The following CACNA2D1 variants were observed in gnomAD, a reference collection of about 807,000 sequenced individuals.
CACNA2D1 encodes the protein calcium voltage-gated channel auxiliary subunit alpha2delta 1.
CACNA2D1 carries 53 observed loss-of-function variants against 171.5 expected under a neutral mutation model. The observed-to-expected ratio is 0.31, with a 90% CI of 0.25 to 0.39. The LOEUF (loss-of-function observed/expected upper bound fraction) is 0.39. Ranked by LOEUF, CACNA2D1 falls within the 10% of genes least tolerant of loss-of-function variation. CACNA2D1 has a pLI of 1.00. For missense variants in CACNA2D1, 903 were observed against 1,299.8 expected (o/e 0.69, Z 4.69); for synonymous variants, 442 against 443.1 (o/e 1.00, Z 0.03).
At chr7:82,010,623 T>A (rs1326824071) in intron 15 of CACNA2D1, among the ~76,000 whole-genome samples, 1 of 152,170 alleles carries the variant, frequency 6.6e-6, no homozygotes, top group African/African-American at 2.4e-5. Context: ...TATGTGACCT[T>A]AAGTAAATAT....
intron 1 of CACNA2D1, among the ~76,000 whole-genome samples, chr7:82,418,754 C>T (rs1424232046): frequency 6.6e-6 from 1 of 152,122 alleles, no homozygotes. Flanking sequence ...GTATTCTTTT[C>T]ATACTCACCA....
In CACNA2D1 at chr7:81,987,325, T is replaced by C. The variant is rs1443604907; in HGVS notation, c.1797-2614A>G. On this transcript the variant is annotated intron_variant, in intron 21 of 38. Coordinates refer to ENST00000356860, the MANE Select transcript of CACNA2D1 (RefSeq NM_000722.4). Reference sequence around the variant, plus strand: ...CCATATAAAACTGATAGACCAAGACTGCTTTATTTCCTTCTAGAGATTAAA... The same window carrying C: ...CCATATAAAACTGATAGACCAAGACCGCTTTATTTCCTTCTAGAGATTAAA... 2.0e-5 allele frequency among the ~76,000 whole-genome samples: 3 copies of C among 152,174 alleles called. No homozygotes were observed. In the East Asian group the frequency reaches 5.8e-4, roughly 29 times the overall value.
intron 22 of CACNA2D1, among the ~76,000 whole-genome samples, 180 bp downstream of exon 22, chr7:81,984,455 A>G (rs532520093): frequency 1.3e-5 from 2 of 152,164 alleles, no homozygotes; most frequent in Non-Finnish European, 1.5e-5. Context: ...TATTCTATCC[A>G]TGTAGAATAT....
intron 1 of CACNA2D1, among the ~76,000 whole-genome samples, chr7:82,393,358 C>T (rs1422986553): frequency 3.9e-5 from 6 of 152,104 alleles, no homozygotes; most frequent in Admixed American, 2.0e-4. Flanking sequence ...ATATATGATC[C>T]ATGCTGGAGG....
At chr7:82,080,783 A>G (rs910719173) in intron 7 of CACNA2D1, among the ~76,000 whole-genome samples, 1 of 152,182 alleles carries the variant, frequency 6.6e-6, no homozygotes. Flanking sequence ...AGTCATGTTT[A>G]GATTCCTTCC....
chr7:82,312,979 C>A (rs1563351217), intron 3 of CACNA2D1, among the ~76,000 whole-genome samples: 1 of 152,078 alleles, frequency 6.6e-6, no homozygotes, highest in Admixed American at 6.5e-5. Flanking sequence ...ATAGAAATGC[C>A]TGTTATTAAC....
At chr7:82,190,185 G>A (rs970851497) in intron 3 of CACNA2D1, among the ~76,000 whole-genome samples, 1 of 151,692 alleles carries the variant, frequency 6.6e-6, no homozygotes, top group South Asian at 2.1e-4. Flanking sequence ...TCACTAAAAT[G>A]ATATTGTTAT....
intron 4 of CACNA2D1, among the ~76,000 whole-genome samples, chr7:82,155,158 A>G (rs934119889): frequency 1.3e-5 from 2 of 152,080 alleles, no homozygotes; most frequent in Non-Finnish European, 2.9e-5. Flanking sequence ...TAGAAACCAA[A>G]CAGATGTCAG....
intron 3 of CACNA2D1, among the ~76,000 whole-genome samples, chr7:82,320,578 ATTT>A (rs1187859762): frequency 1.6e-4 from 20 of 128,704 alleles, no homozygotes; most frequent in Admixed American, 3.2e-4. Flanking sequence ...CACTTGGCTA[ATTT>A]TTTTTTTTTT....
rs1207440298 is a variant in CACNA2D1 at position 82,111,444 on chromosome 7, A to ATATATATATATT, written c.526+5599_526+5600insAATATATATATA. Among the ~76,000 whole-genome samples, 73 of 69,958 alleles carry ATATATATATATT rather than the reference A, an allele frequency of 1.0e-3. 4 individuals carry two copies. The highest frequency in any genetic ancestry group is 4.0e-3 in the African/African-American group (59 of 14,746). The allele number at this position is 69,958 out of a possible 152,430, so 45.9% of individuals were successfully genotyped here. A position where few individuals can be genotyped will look rare whatever the true frequency, so the allele number is the denominator to read the frequency against. On this transcript the variant is annotated intron_variant, in intron 6 of 38. Transcript: ENST00000356860. The stretch of plus-strand genomic sequence containing the variant: ...TATATGTGTGTATATATATATATAT[A>ATATATATATATT]TTTTTTTTTTTTTTTTTTTTTGAGA...
intron 3 of CACNA2D1, among the ~76,000 whole-genome samples, chr7:82,176,045 A>G (rs1272456655): frequency 6.6e-6 from 1 of 152,072 alleles, no homozygotes; most frequent in East Asian, 1.9e-4. Context: ...AGGGAATACA[A>G]CAGCTCAGTT....
At chr7:82,417,758 G>C (rs925088216) in intron 1 of CACNA2D1, among the ~76,000 whole-genome samples, 2 of 152,080 alleles carry the variant, frequency 1.3e-5, no homozygotes, top group Non-Finnish European at 2.9e-5. Context: ...GTCTGTAGTA[G>C]GAAAGGTAAA....
At chr7:81,969,754 T>G in intron 28 of CACNA2D1, 127 bp downstream of exon 28, 1 of 668,396 alleles carries the variant, frequency 1.5e-6, no homozygotes, top group South Asian at 1.7e-5. Flanking sequence ...TTGCAAATAC[T>G]CTATTTTTAA....
intron 1 of CACNA2D1, among the ~76,000 whole-genome samples, chr7:82,395,148 C>A (rs1825630217): frequency 6.6e-6 from 1 of 151,940 alleles, no homozygotes; most frequent in East Asian, 1.9e-4. Flanking sequence ...GTATCAAATG[C>A]CTGTTATATG....
In CACNA2D1 at chr7:82,032,779, T is replaced by A; in HGVS notation, c.1143+18A>T. The A allele has an allele frequency of 7.6e-7, 1 of 1,315,562 alleles. No homozygotes were observed. The highest frequency in any genetic ancestry group is 1.1e-6 in the Non-Finnish European group (1 of 923,028). The allele number at this position is 1,315,562 out of a possible 1,614,324, so 81.5% of individuals were successfully genotyped here. On this transcript the variant is annotated intron_variant, in intron 12 of 38. Coordinates refer to ENST00000356860, the MANE Select transcript of CACNA2D1 (RefSeq NM_000722.4). Reference sequence around the variant, plus strand: ...CTAGATCATTATTAAAATTTAAATATTATAAAATTACACTCACTTTTTTAT... The same window carrying A: ...CTAGATCATTATTAAAATTTAAATAATATAAAATTACACTCACTTTTTTAT...
At chr7:82,203,493 T>C (rs114156496) in intron 3 of CACNA2D1, among the ~76,000 whole-genome samples, 1,625 of 152,280 alleles carry the variant, frequency 0.011, 29 homozygotes, top group African/African-American at 0.037. Context: ...TGCTAACCTC[T>C]GATTGTCTTG....
chr7:82,252,303 T>G (rs939589360), intron 3 of CACNA2D1, among the ~76,000 whole-genome samples: 1 of 152,176 alleles, frequency 6.6e-6, no homozygotes, highest in Non-Finnish European at 1.5e-5. Context: ...TAGCACTCAT[T>G]TTTCCAAAGT....
intron 3 of CACNA2D1, among the ~76,000 whole-genome samples, chr7:82,229,230 T>G (rs1802654198): frequency 6.6e-6 from 1 of 152,084 alleles, no homozygotes; most frequent in African/African-American, 2.4e-5. Flanking sequence ...ATCACAGGCC[T>G]GGCTCCCAAA....
At chr7:82,043,267 A>G (rs545852170) in intron 10 of CACNA2D1, among the ~76,000 whole-genome samples, 1 of 152,344 alleles carries the variant, frequency 6.6e-6, no homozygotes, top group Admixed American at 6.5e-5. Context: ...AGACATTAAA[A>G]TACTCAAATA....
Sources: allele counts gnomAD v4.1 joint callset (sites outside exome capture counted in the v4.1 genomes callset), GRCh38; gene constraint gnomAD v4.1.1; transcripts MANE v1.5; gene names NCBI Gene and HGNC (gene_info 2026-07-23, HGNC 2026-07-21).